The following UBR1 variants were observed in gnomAD, a reference collection of about 807,000 sequenced individuals.
UBR1 encodes ubiquitin protein ligase E3 component n-recognin 1, also known as E3 ubiquitin-protein ligase UBR1.
UBR1 carries 102 observed loss-of-function variants against 242.1 expected under a neutral mutation model. The ratio of observed to expected loss-of-function variants is 0.42; its 90% CI spans 0.36 to 0.50. UBR1 has a LOEUF of 0.50. Ranked by LOEUF, UBR1 falls within the 20% of genes least tolerant of loss-of-function variation. The probability of loss-of-function intolerance (pLI) is 0.01; values close to 1 mark genes in which losing one functional copy is unlikely to be tolerated. For missense variants in UBR1, 1,772 were observed against 2,101.8 expected, an observed-to-expected ratio of 0.84 and a Z score of 3.07; for synonymous variants, 675 against 684.8, an observed-to-expected ratio of 0.99 and a Z score of 0.22.
At chr15:43,017,404 A>G (rs986672923) in intron 27 of UBR1, among the ~76,000 whole-genome samples, 1 of 152,240 alleles carries the variant, frequency 6.6e-6, no homozygotes, top group African/African-American at 2.4e-5. Flanking sequence ...GAATCAGCAG[A>G]TTCAGTAGGC....
intron 6 of UBR1, among the ~76,000 whole-genome samples, chr15:43,067,477 T>C (rs1329656511): frequency 6.6e-6 from 1 of 152,246 alleles, no homozygotes; most frequent in South Asian, 2.1e-4. Flanking sequence ...AGAACCCATT[T>C]TGCTCTGGAT....
rs536017950 is a variant in UBR1, at chr15:42,953,546, G to T, written c.4836-1098C>A. 3.3e-5 allele frequency among the ~76,000 whole-genome samples: 5 copies of T among 152,328 alleles called. No individual in the cohort carries two copies. The East Asian group carries it at 7.7e-4, about 23-fold the overall frequency. The stretch of plus-strand genomic sequence containing the variant: ...AGAGGACTATTTTCACTTCCGGGAG[G>T]TTGCTCCAGAACATAATTATAGCCC... On this transcript the variant is annotated intron_variant, in intron 44 of 46. Transcript: ENST00000290650.
At chr15:43,010,044 T>C (rs1455459751) in intron 29 of UBR1, among the ~76,000 whole-genome samples, 1 of 152,142 alleles carries the variant, frequency 6.6e-6, no homozygotes, top group African/African-American at 2.4e-5. Context: ...GCTAATTTTT[T>C]TGTATTTTTA....
chr15:43,105,997 G>C lies in UBR1; in HGVS notation c.26C>G (p.Thr9Ser), dbSNP rs764428187. The change falls in exon 1 of 47, where the codon ACT (threonine) becomes AGT (serine). Residue 9 changes from threonine (T) to serine (S), a missense_variant. This residue lies in a region of UBR1 where 734 missense variants were observed against 893.3 expected (regional missense o/e 0.82). Transcript: ENST00000290650. ...CTCCGCGCTGATTTCCATCCTCTCA[G>C]TACCTCCAGCCTCCTCGTCCGCCAT... MADEEAGGTERMEISAELP... is the reference protein window; with the variant it reads MADEEAGGSERMEISAELP... 6.2e-7 allele frequency: 1 copy of C among 1,613,908 alleles called. No individual in the cohort carries two copies.
chr15:42,961,112 C>CCTTTTT (rs1555441994), intron 42 of UBR1, among the ~76,000 whole-genome samples: 1 of 141,264 alleles, frequency 7.1e-6, no homozygotes, highest in Non-Finnish European at 1.5e-5. Flanking sequence ...TATGTTCCCC[C>CCTTTTT]TTTTTTTTTT....
At chr15:43,051,626 C>G (rs1181275124) in intron 12 of UBR1, among the ~76,000 whole-genome samples, 1 of 152,164 alleles carries the variant, frequency 6.6e-6, no homozygotes, top group Non-Finnish European at 1.5e-5. Context: ...TTTGCATTCA[C>G]ATTAAAATCT....
chr15:42,996,094 T>C (rs1282192971), intron 33 of UBR1, among the ~76,000 whole-genome samples: 1 of 152,208 alleles, frequency 6.6e-6, no homozygotes, highest in African/African-American at 2.4e-5. Context: ...ATCCAAATTT[T>C]ATACAAGGTC....
chr15:43,097,346 G>A (rs2034173693), intron 1 of UBR1, among the ~76,000 whole-genome samples: 1 of 152,162 alleles, frequency 6.6e-6, no homozygotes, highest in African/African-American at 2.4e-5. Context: ...CATACGCAGA[G>A]TAGCATAATT....
In UBR1 at chr15:43,076,424, T is replaced by G. The variant is rs1007573936; in HGVS notation, c.418-1335A>C. Among the ~76,000 whole-genome samples, 12 of 148,638 alleles carry G rather than the reference T, an allele frequency of 8.1e-5. No homozygotes were observed. The South Asian group carries it at 1.9e-3, about 24-fold the overall frequency. On this transcript the variant is annotated intron_variant, in intron 3 of 46. Coordinates refer to ENST00000290650, the MANE Select transcript of UBR1 (RefSeq NM_174916.3). ...CACCCCGTCTGGGAAGTGAGGAGCG[T>G]CTCTGCCCGGCCGCCATCCCATCTA...
At chr15:43,026,288 A>C (rs2033177470) in intron 23 of UBR1, 1 of 334,012 alleles carries the variant, frequency 3.0e-6, no homozygotes, top group Non-Finnish European at 5.5e-6. Context: ...GAAACATGAC[A>C]ATCAAATGAG....
chr15:43,055,643 G>A (rs907508758), intron 11 of UBR1, among the ~76,000 whole-genome samples: 3 of 152,088 alleles, frequency 2.0e-5, no homozygotes, highest in South Asian at 2.1e-4. Flanking sequence ...GGCTGGGCGC[G>A]GTGGCTCACA....
chr15:42,984,284 C>T (rs1223998950), intron 36 of UBR1, among the ~76,000 whole-genome samples: 2 of 152,166 alleles, frequency 1.3e-5, no homozygotes, highest in Non-Finnish European at 2.9e-5. Flanking sequence ...CTGTGTACCA[C>T]AAGTCTTCTA....
chr15:43,075,395 T>C (rs555549459), intron 3 of UBR1, among the ~76,000 whole-genome samples: 5 of 152,294 alleles, frequency 3.3e-5, no homozygotes, highest in South Asian at 2.1e-4. Flanking sequence ...TGGAGAAGAA[T>C]AGATTGCAAA....
At chr15:43,058,097 A>C (rs1400442948) in intron 10 of UBR1, among the ~76,000 whole-genome samples, 1 of 151,930 alleles carries the variant, frequency 6.6e-6, no homozygotes, top group Admixed American at 6.6e-5. Flanking sequence ...TGTAGTAGAG[A>C]CGGGGTTTCA....
At chr15:42,959,918 T>C (rs1268286994) in intron 43 of UBR1, among the ~76,000 whole-genome samples, 1 of 152,232 alleles carries the variant, frequency 6.6e-6, no homozygotes, top group Non-Finnish European at 1.5e-5. Flanking sequence ...AAAATGGTAC[T>C]AGTGTTGGTA....
intron 10 of UBR1, among the ~76,000 whole-genome samples, chr15:43,057,686 GTTC>G (rs924337545): frequency 1.2e-4 from 19 of 152,202 alleles, no homozygotes; most frequent in Admixed American, 1.2e-3. Flanking sequence ...ATACACATCT[GTTC>G]TTCTTTCCTG....
At chr15:43,100,570 C>T (rs1045956489) in intron 1 of UBR1, among the ~76,000 whole-genome samples, 3 of 152,196 alleles carry the variant, frequency 2.0e-5, no homozygotes, top group Non-Finnish European at 4.4e-5. Flanking sequence ...GGCATGGTGG[C>T]TCATACCTGT....
chr15:43,068,064 G>GTAGTATCCAAATAT, intron 5 of UBR1, 28 bp from the exon 6 acceptor site: 2 of 1,354,776 alleles, frequency 1.5e-6, no homozygotes, highest in Non-Finnish European at 2.0e-6. Context: ...TATATATTTG[G>GTAGTATCCAAATAT]ATACTACAAC....
chr15:43,059,348 A>G (rs2033655060), intron 8 of UBR1, among the ~76,000 whole-genome samples, 156 bp from the exon 9 acceptor site: 1 of 152,140 alleles, frequency 6.6e-6, no homozygotes, highest in Non-Finnish European at 1.5e-5. Context: ...TACAGACATG[A>G]GCCCCTGTAC....
Sources: allele counts gnomAD v4.1 joint callset (sites outside exome capture counted in the v4.1 genomes callset), GRCh38; gene constraint gnomAD v4.1.1; regional missense constraint gnomAD v4.1.1; transcripts MANE v1.5; gene names NCBI Gene and HGNC (gene_info 2026-07-23, HGNC 2026-07-21).